SLC24A2: variants seen among roughly 807,000 people sequenced by gnomAD.
SLC24A2 encodes the protein solute carrier family 24 member 2.
A neutral mutation model predicts 62.0 loss-of-function variants in SLC24A2; 36 were observed. The ratio of observed to expected loss-of-function variants is 0.58; its 90% CI spans 0.44 to 0.77. The LOEUF is 0.77. SLC24A2 is among the 30% of genes least tolerant of loss of function. The pLI is 0.00. For missense variants in SLC24A2, 846 were observed against 817.9 expected, an observed-to-expected ratio of 1.03 and a Z score of -0.42; for synonymous variants, 358 against 294.0, an observed-to-expected ratio of 1.22 and a Z score of -2.23.
chr9:20,077,360 G>C, the SLC24A2 span, among the ~76,000 whole-genome samples: 1 of 152,116 alleles, frequency 6.6e-6, no homozygotes, highest in African/African-American at 2.4e-5. Flanking sequence ...TAGTAACTAT[G>C]TTACTATCTA....
the SLC24A2 span, among the ~76,000 whole-genome samples, chr9:20,266,623 A>AGTGTGTG: frequency 1.3e-5 from 2 of 152,194 alleles, no homozygotes; most frequent in Non-Finnish European, 2.9e-5. Flanking sequence ...ATTATAAACA[A>AGTGTGTG]TGGCATCCCA....
chr9:19,905,151 G>A, the SLC24A2 span, among the ~76,000 whole-genome samples: 9 of 152,212 alleles, frequency 5.9e-5, no homozygotes, highest in African/African-American at 1.9e-4. Flanking sequence ...GATCTGACAG[G>A]GAGGAAACAA....
chr9:20,223,650 A>T, the SLC24A2 span, among the ~76,000 whole-genome samples: 1 of 152,172 alleles, frequency 6.6e-6, no homozygotes, highest in Non-Finnish European at 1.5e-5. Context: ...ATGGACTAGG[A>T]TAGAAAGACC....
At chr9:19,702,010 C>A in intron 2 of SLC24A2, among the ~76,000 whole-genome samples, 1 of 152,106 alleles carries the variant, frequency 6.6e-6, no homozygotes, top group East Asian at 1.9e-4. Context: ...GTTTTTCATT[C>A]TGGCTATAAA....
At chr9:20,247,336 C>G in the SLC24A2 span, among the ~76,000 whole-genome samples, 1 of 152,090 alleles carries the variant, frequency 6.6e-6, no homozygotes, top group Admixed American at 6.5e-5. Context: ...TACGGTCCAG[C>G]CTTGCCTCTC....
At chr9:20,231,499 G>C in the SLC24A2 span, among the ~76,000 whole-genome samples, 2 of 152,126 alleles carry the variant, frequency 1.3e-5, no homozygotes, top group African/African-American at 4.8e-5. Flanking sequence ...TGAAGCAATT[G>C]TGAATGGGAG....
At chr9:20,067,127 G>T in the SLC24A2 span, among the ~76,000 whole-genome samples, 1 of 152,026 alleles carries the variant, frequency 6.6e-6, no homozygotes, top group Non-Finnish European at 1.5e-5. Context: ...ATTTTAACAG[G>T]TTTTAAAATC....
chr9:20,032,502 T>C, the SLC24A2 span, among the ~76,000 whole-genome samples: 2 of 152,232 alleles, frequency 1.3e-5, no homozygotes, highest in Non-Finnish European at 1.5e-5. Context: ...GCTAAATCAA[T>C]TATGTAGCCA....
the SLC24A2 span, among the ~76,000 whole-genome samples, chr9:19,853,319 C>T: frequency 6.6e-6 from 1 of 152,098 alleles, no homozygotes; most frequent in Non-Finnish European, 1.5e-5. Context: ...TGCCTGATTG[C>T]CCTGGCCAGA....
the SLC24A2 span, among the ~76,000 whole-genome samples, chr9:20,026,698 G>A: frequency 6.6e-6 from 1 of 152,056 alleles, no homozygotes; most frequent in Non-Finnish European, 1.5e-5. Flanking sequence ...AGACTTAAAT[G>A]TAAGATCTGA....
At chr9:20,188,815 A>G in the SLC24A2 span, among the ~76,000 whole-genome samples, 1 of 152,342 alleles carries the variant, frequency 6.6e-6, no homozygotes, top group East Asian at 1.9e-4. Context: ...CTGCTGGCAC[A>G]TGGATTGTAG....
the SLC24A2 span, among the ~76,000 whole-genome samples, chr9:19,883,143 A>G: frequency 6.6e-6 from 1 of 152,244 alleles, no homozygotes; most frequent in Non-Finnish European, 1.5e-5. Flanking sequence ...GATTTTGTCT[A>G]CTGCCTTAAG....
At chr9:19,563,840 C>T (rs375624733) in intron 7 of SLC24A2, among the ~76,000 whole-genome samples, 5,914 of 53,226 alleles carry the variant, frequency 0.11, 574 homozygotes, top group Middle Eastern at 0.19. Flanking sequence ...CTCCCTCCCT[C>T]CCTCCCTCCC....
At chr9:20,119,382 T>C in the SLC24A2 span, among the ~76,000 whole-genome samples, 1 of 152,018 alleles carries the variant, frequency 6.6e-6, no homozygotes, top group African/African-American at 2.4e-5. Flanking sequence ...AAATATATTC[T>C]CAACAAAATT....
At chr9:20,306,600 C>T in the SLC24A2 span, among the ~76,000 whole-genome samples, 1 of 152,250 alleles carries the variant, frequency 6.6e-6, no homozygotes, top group Non-Finnish European at 1.5e-5. Flanking sequence ...GGTGGCACAT[C>T]CACTAATTGG....
At chr9:20,220,306 G>C in the SLC24A2 span, among the ~76,000 whole-genome samples, 1 of 152,080 alleles carries the variant, frequency 6.6e-6, no homozygotes, top group African/African-American at 2.4e-5. Flanking sequence ...CTCATTAAAA[G>C]GGCTTGGTGG....
At chr9:19,940,164 A>T in the SLC24A2 span, among the ~76,000 whole-genome samples, 1 of 152,202 alleles carries the variant, frequency 6.6e-6, no homozygotes, top group Non-Finnish European at 1.5e-5. Context: ...GTTTTCCTTT[A>T]GGGTTTTTCT....
the SLC24A2 span, among the ~76,000 whole-genome samples, chr9:19,897,662 A>G: frequency 5.9e-5 from 9 of 152,192 alleles, no homozygotes; most frequent in Non-Finnish European, 1.2e-4. Context: ...ATTCGGGTCT[A>G]TTATGTTCAC....
chr9:19,706,745 C>T (rs1820535809), intron 2 of SLC24A2, among the ~76,000 whole-genome samples: 1 of 152,136 alleles, frequency 6.6e-6, no homozygotes, highest in African/African-American at 2.4e-5. Context: ...CTCTGGGACA[C>T]ATTCAAAGCA....
Sources: allele counts gnomAD v4.1 joint callset (sites outside exome capture counted in the v4.1 genomes callset), GRCh38; gene constraint gnomAD v4.1.1; transcripts MANE v1.5; gene names NCBI Gene and HGNC (gene_info 2026-07-23, HGNC 2026-07-21).